SGCD: variants seen among roughly 807,000 people sequenced by gnomAD.
SGCD encodes delta-sarcoglycan.
Under a neutral mutation model 36.6 loss-of-function variants are expected in SGCD, and 18 were observed. The observed-to-expected ratio is 0.49, with a 90% CI of 0.34 to 0.73. The LOEUF is 0.73. Ranked by LOEUF, SGCD falls within the 30% of genes least tolerant of loss-of-function variation. SGCD has a pLI of 0.01. For missense variants in SGCD, 387 were observed against 346.7 expected (o/e 1.12, Z -0.92); for synonymous variants, 133 against 130.6 (o/e 1.02, Z -0.12).
chr5:156,480,021 C>T (rs921154981), intron 3 of SGCD, among the ~76,000 whole-genome samples: 4 of 152,232 alleles, frequency 2.6e-5, no homozygotes, highest in Admixed American at 1.3e-4. Flanking sequence ...TCTTGGCTTA[C>T]ATTTCTTCAC....
intron 1 of SGCD, among the ~76,000 whole-genome samples, chr5:156,006,780 C>T (rs945890968): frequency 1.3e-5 from 2 of 152,042 alleles, no homozygotes; most frequent in Non-Finnish European, 2.9e-5. Context: ...TAAATACTTC[C>T]CCAGTTAAAG....
the SGCD span, among the ~76,000 whole-genome samples, chr5:155,738,882 A>T: frequency 4.2e-5 from 6 of 142,798 alleles, no homozygotes; most frequent in African/African-American, 1.5e-4. Flanking sequence ...TGTGAGAGAG[A>T]GTGTGTGTGA....
intron 3 of SGCD, among the ~76,000 whole-genome samples, chr5:156,462,707 T>C (rs556809631): frequency 7.9e-5 from 12 of 152,192 alleles, no homozygotes; most frequent in Non-Finnish European, 1.8e-4. Flanking sequence ...TTTTCTTTAT[T>C]CTCATAGTGA....
intron 7 of SGCD, among the ~76,000 whole-genome samples, chr5:156,717,290 G>T (rs1755269476): frequency 6.6e-6 from 1 of 152,122 alleles, no homozygotes; most frequent in Admixed American, 6.5e-5. Flanking sequence ...ATAAGATCTA[G>T]CTTTCTTTAC....
Position 156,280,272 on chromosome 5 carries a change from G to A in SGCD, c.-43-49262G>A, listed in dbSNP as rs78403947. Among the ~76,000 whole-genome samples, 298 of 152,176 alleles carry A rather than the reference G, an allele frequency of 2.0e-3. 1 individual carries two copies. Among genetic ancestry groups the A allele is most frequent in the African/African-American group, 6.7e-3 (279 of 41,522 alleles). On this transcript the variant is annotated intron_variant, in intron 3 of 9. Transcript: ENST00000517913. ...TCATCCAACAGATTGGGTTTTCCAC[G>A]GCATTGTATTAATAGGTATCCAATG...
At chr5:156,239,617 G>A (rs1765257280) in intron 3 of SGCD, among the ~76,000 whole-genome samples, 1 of 152,116 alleles carries the variant, frequency 6.6e-6, no homozygotes, top group African/African-American at 2.4e-5. Flanking sequence ...TACTTAATAT[G>A]TTAGAAAACA....
intron 7 of SGCD, among the ~76,000 whole-genome samples, chr5:156,681,815 T>C (rs1187652341): frequency 6.6e-6 from 1 of 152,244 alleles, no homozygotes; most frequent in Non-Finnish European, 1.5e-5. Flanking sequence ...GGTTTCATTA[T>C]TCATATTCTT....
In SGCD at chr5:156,453,551, G is replaced by A. The variant is rs186996605; in HGVS notation, c.193-55050G>A. Reference sequence around the variant, plus strand: ...ATAAACCAGTGATGCTCAACCAGGGGTGGTTTTGCTCTCTGAGGGGACATT... The same window carrying A: ...ATAAACCAGTGATGCTCAACCAGGGATGGTTTTGCTCTCTGAGGGGACATT... On this transcript the variant is annotated intron_variant, in intron 3 of 8. Coordinates refer to ENST00000337851, the MANE Select transcript of SGCD (RefSeq NM_000337.6). 1.9e-4 allele frequency among the ~76,000 whole-genome samples: 29 copies of A among 152,264 alleles called. No individual in the cohort carries two copies. In the East Asian group the frequency reaches 5.6e-3, roughly 29 times the overall value.
intron 4 of SGCD, among the ~76,000 whole-genome samples, chr5:156,567,946 C>G (rs1010212038): frequency 2.0e-5 from 3 of 152,142 alleles, no homozygotes; most frequent in African/African-American, 7.2e-5. Flanking sequence ...GCACAGTTCT[C>G]ATTGCTTTTC....
intron 3 of SGCD, among the ~76,000 whole-genome samples, chr5:156,195,841 A>G (rs1004479557): frequency 2.4e-4 from 37 of 152,172 alleles, no homozygotes; most frequent in African/African-American, 6.5e-4. Flanking sequence ...TTATTAGCCT[A>G]TCAACTGTAG....
chr5:156,247,720 T>C (rs181434014), intron 3 of SGCD, among the ~76,000 whole-genome samples: 16 of 152,364 alleles, frequency 1.1e-4, no homozygotes, highest in African/African-American at 3.6e-4. Context: ...GTTAGTTATT[T>C]AAAGTCATAG....
At chr5:156,223,599 A>T (rs1764774632) in intron 3 of SGCD, among the ~76,000 whole-genome samples, 1 of 152,118 alleles carries the variant, frequency 6.6e-6, no homozygotes, top group Admixed American at 6.6e-5. Context: ...AGGTAGGTCC[A>T]TGGGAAATAG....
chr5:156,082,660 TATTACA>T (rs1760987232), intron 1 of SGCD, among the ~76,000 whole-genome samples: 1 of 152,250 alleles, frequency 6.6e-6, no homozygotes, highest in South Asian at 2.1e-4. Context: ...CAATTTTAGC[TATTACA>T]ATTACAAGTA....
At chr5:156,721,793 G>C (rs1755524238) in intron 7 of SGCD, among the ~76,000 whole-genome samples, 1 of 152,222 alleles carries the variant, frequency 6.6e-6, no homozygotes, top group Non-Finnish European at 1.5e-5. Flanking sequence ...GAGACAAGGT[G>C]AGGACTGATG....
intron 1 of SGCD, among the ~76,000 whole-genome samples, chr5:155,896,896 T>G (rs1756275369): frequency 6.6e-6 from 1 of 152,196 alleles, no homozygotes; most frequent in African/African-American, 2.4e-5. Flanking sequence ...CTAGAAGAAT[T>G]TTTTCTAGTT....
intron 3 of SGCD, among the ~76,000 whole-genome samples, chr5:156,254,160 G>C (rs560074479): frequency 6.6e-6 from 1 of 152,194 alleles, no homozygotes; most frequent in South Asian, 2.1e-4. Flanking sequence ...AGGCACTCAT[G>C]CCTCATTCCT....
At chr5:155,842,851 A>G in the SGCD span, among the ~76,000 whole-genome samples, 1 of 152,232 alleles carries the variant, frequency 6.6e-6, no homozygotes, top group Non-Finnish European at 1.5e-5. Context: ...CTGTTCTTAA[A>G]AATACTTAGT....
chr5:156,003,685 A>G (rs1382707830), intron 1 of SGCD, among the ~76,000 whole-genome samples: 2 of 152,214 alleles, frequency 1.3e-5, no homozygotes, highest in Non-Finnish European at 2.9e-5. Flanking sequence ...GCAGCTTTTG[A>G]ACTGAAATCA....
chr5:156,011,282 A>T (rs2127570713), intron 1 of SGCD, among the ~76,000 whole-genome samples: 1 of 152,124 alleles, frequency 6.6e-6, no homozygotes, highest in East Asian at 1.9e-4. Context: ...AGAACTTAGA[A>T]TTTTTTTAAT....
Sources: gnomAD v4.1 joint callset for allele counts (sites outside exome capture counted in the v4.1 genomes callset) on GRCh38, gnomAD v4.1.1 for gene constraint, MANE v1.5 for transcripts, NCBI Gene and HGNC (gene_info 2026-07-23, HGNC 2026-07-21) for gene names.